Variants in SGCG observed in about 807,000 individuals in gnomAD.
SGCG encodes gamma-sarcoglycan.
Under a neutral mutation model 29.3 loss-of-function variants are expected in SGCG, and 26 were observed. The observed-to-expected ratio is 0.89, with a 90% CI of 0.65 to 1.23. SGCG has a LOEUF of 1.23. SGCG is among the 50% of genes most tolerant of loss of function. The pLI is 0.00. For missense variants in SGCG, 353 were observed against 356.0 expected (o/e 0.99, Z 0.07); for synonymous variants, 145 against 129.7 (o/e 1.12, Z -0.80).
chr13:23,233,199 T>C (rs1879176161), intron 2 of SGCG, among the ~76,000 whole-genome samples: 1 of 152,062 alleles, frequency 6.6e-6, no homozygotes, highest in East Asian at 1.9e-4. Context: ...ATGAGCAAAA[T>C]ATGGTTTGTA....
chr13:23,212,888 G>A (rs1277227548), intron 2 of SGCG, among the ~76,000 whole-genome samples: 1 of 152,156 alleles, frequency 6.6e-6, no homozygotes, highest in Admixed American at 6.5e-5. Context: ...AGCATGAGTA[G>A]CAGGAGTCCT....
intron 2 of SGCG, among the ~76,000 whole-genome samples, chr13:23,211,046 C>T (rs577158011): frequency 1.3e-5 from 2 of 152,328 alleles, no homozygotes; most frequent in South Asian, 4.1e-4. Flanking sequence ...AAAATACCAT[C>T]TGTATTACTG....
chr13:23,262,876 T>C (rs765545218), intron 4 of SGCG, among the ~76,000 whole-genome samples: 4 of 151,986 alleles, frequency 2.6e-5, no homozygotes, highest in Non-Finnish European at 5.9e-5. Flanking sequence ...TACAAATGTA[T>C]GGAAATTACA....
intron 2 of SGCG, among the ~76,000 whole-genome samples, chr13:23,222,011 G>A (rs1417801733): frequency 1.3e-5 from 2 of 152,222 alleles, no homozygotes; most frequent in African/African-American, 4.8e-5. Context: ...TGAAGTGGAA[G>A]GTGATAAGTT....
the SGCG span, chr13:23,170,664 G>A: frequency 6.6e-6 from 1 of 152,252 alleles, no homozygotes; most frequent in Non-Finnish European, 1.5e-5. Context: ...GACACAGCAT[G>A]TCTGTTATGG....
chr13:23,306,866 A>T (rs1469116924), intron 6 of SGCG, among the ~76,000 whole-genome samples: 2 of 152,254 alleles, frequency 1.3e-5, no homozygotes, highest in Admixed American at 1.3e-4. Flanking sequence ...AGAAGAGCAC[A>T]GTCAGTGCTC....
chr13:23,225,360 C>T lies in SGCG; in HGVS notation c.196-9251C>T, dbSNP rs78898004. 1.3e-3 allele frequency among the ~76,000 whole-genome samples: 205 copies of T among 152,304 alleles called. 3 individuals carry two copies. In the East Asian group the frequency reaches 0.036, roughly 27 times the overall value. On this transcript the variant is annotated intron_variant, in intron 2 of 7. Coordinates refer to ENST00000218867, the MANE Select transcript of SGCG (RefSeq NM_000231.3). ...TCACTGTAAAATTATGAGTTTCCCA[C>T]TTATAATTATTTCGTGAGGAGGTAG...
chr13:23,279,680 C>A (rs1487480454), intron 5 of SGCG, among the ~76,000 whole-genome samples: 1 of 143,760 alleles, frequency 7.0e-6, no homozygotes, highest in South Asian at 2.1e-4. Context: ...CTTGGCCCAC[C>A]CTTCTTCCAT....
At chr13:23,188,502 T>TGGGG (rs1555233345) in intron 1 of SGCG, among the ~76,000 whole-genome samples, 3 of 140,866 alleles carry the variant, frequency 2.1e-5, no homozygotes, top group Non-Finnish European at 3.1e-5. Context: ...TTTTTTTTTT[T>TGGGG]GGGACAGGTA....
intron 1 of SGCG, among the ~76,000 whole-genome samples, chr13:23,182,445 A>G (rs930934575): frequency 6.6e-5 from 10 of 151,618 alleles, no homozygotes; most frequent in African/African-American, 2.2e-4. Flanking sequence ...GACCTTCATG[A>G]CACCTTCCTG....
Position 23,218,299 on chromosome 13 carries a change from T to C in SGCG, c.195+14410T>C, listed in dbSNP as rs138385104. On this transcript the variant is annotated intron_variant, in intron 2 of 7. Transcript: ENST00000218867. Reference sequence around the variant, plus strand: ...CTAGAAGAAAAATCACACATCATACTGGAAGATATATGTAAGTTCTTTATA... The same window carrying C: ...CTAGAAGAAAAATCACACATCATACCGGAAGATATATGTAAGTTCTTTATA... Among the ~76,000 whole-genome samples, 46 of 152,288 alleles carry C rather than the reference T, an allele frequency of 3.0e-4. 1 individual carries two copies. Among genetic ancestry groups the C allele is most frequent in the African/African-American group, 1.0e-3 (43 of 41,560 alleles).
In SGCG at chr13:23,324,697, G is replaced by A. The variant is rs1883171376; in HGVS notation, c.*156G>A. ...AATTATGTGCCAGTGAAAGTGTTTG[G>A]ACAAAAACTACATGATCTCAAAATG... On this transcript the variant is annotated 3_prime_UTR_variant, in exon 8 of 8. Coordinates refer to ENST00000218867, the MANE Select transcript of SGCG (RefSeq NM_000231.3). 3 of 687,426 alleles carry A rather than the reference G, an allele frequency of 4.4e-6. No individual in the cohort carries two copies. The highest frequency in any genetic ancestry group is 1.8e-5 in the African/African-American group (1 of 56,116). The allele number at this position is 687,426 out of a possible 1,614,324, so 42.6% of individuals were successfully genotyped here.
the SGCG span, among the ~76,000 whole-genome samples, chr13:23,174,948 G>A: frequency 2.6e-5 from 4 of 152,274 alleles, no homozygotes; most frequent in South Asian, 4.1e-4. Context: ...AGACGAGAGC[G>A]GCGTGCACCA....
upstream of SGCG, among the ~76,000 whole-genome samples, chr13:23,176,224 A>T (rs934903748): frequency 1.2e-4 from 19 of 152,122 alleles, no homozygotes; most frequent in Non-Finnish European, 2.4e-4. Context: ...ATATCATTTT[A>T]AAAAAAACTA....
chr13:23,245,190 A>G (rs1167260507), intron 3 of SGCG: 1 of 152,182 alleles, frequency 6.6e-6, no homozygotes, highest in African/African-American at 2.4e-5. Flanking sequence ...GTGATCCCCA[A>G]TGCATTCTGC....
chr13:23,206,578 T>C (rs929173358), intron 2 of SGCG, among the ~76,000 whole-genome samples: 1 of 152,234 alleles, frequency 6.6e-6, no homozygotes, highest in African/African-American at 2.4e-5. Context: ...TAGGTTTTTT[T>C]CCACATCTTG....
chr13:23,290,848 G>A (rs1450744625), intron 5 of SGCG, among the ~76,000 whole-genome samples: 1 of 152,178 alleles, frequency 6.6e-6, no homozygotes, highest in Admixed American at 6.5e-5. Flanking sequence ...ATAATTGAAG[G>A]AACCTAGAAA....
At chr13:23,299,619 A>AT (rs1234592732) in intron 6 of SGCG, among the ~76,000 whole-genome samples, 1 of 150,208 alleles carries the variant, frequency 6.7e-6, no homozygotes, top group Non-Finnish European at 1.5e-5. Context: ...TGCCTGGCTA[A>AT]TTTTTTGTAT....
intron 2 of SGCG, among the ~76,000 whole-genome samples, chr13:23,232,184 T>C (rs567351682): frequency 6.6e-6 from 1 of 151,274 alleles, no homozygotes; most frequent in Non-Finnish European, 1.5e-5. Context: ...CACCTAGCAG[T>C]GTGTGGGGCT....
Sources: gnomAD v4.1 joint callset for allele counts (sites outside exome capture counted in the v4.1 genomes callset) on GRCh38, gnomAD v4.1.1 for gene constraint, MANE v1.5 for transcripts, NCBI Gene and HGNC (gene_info 2026-07-23, HGNC 2026-07-21) for gene names.